Variants in RPS6KC1 observed in about 807,000 individuals in gnomAD.
RPS6KC1 encodes the protein inactive ribosomal protein S6 kinase delta-1.
RPS6KC1 carries 54 observed loss-of-function variants against 103.8 expected under a neutral mutation model. The observed-to-expected ratio is 0.52, with a 90% CI of 0.42 to 0.65. The LOEUF is 0.65. Among genes scored for constraint, RPS6KC1 ranks in the 30% least tolerant of loss-of-function variants. RPS6KC1 has a pLI of 0.00. For missense variants in RPS6KC1, 1,151 were observed against 1,253.8 expected, an observed-to-expected ratio of 0.92 and a Z score of 1.24; for synonymous variants, 439 against 438.7, an observed-to-expected ratio of 1.00 and a Z score of -0.01.
chr1:213,807,389 C>G, the RPS6KC1 span, among the ~76,000 whole-genome samples: 2 of 152,192 alleles, frequency 1.3e-5, no homozygotes, highest in African/African-American at 4.8e-5. Context: ...CAACTTGGTT[C>G]CATTCTCCCC....
the RPS6KC1 span, among the ~76,000 whole-genome samples, chr1:213,843,933 G>C: frequency 6.6e-6 from 1 of 151,534 alleles, no homozygotes; most frequent in Non-Finnish European, 1.5e-5. Flanking sequence ...ATGTCAGAAA[G>C]AGAGCAGAGT....
At chr1:213,166,277 A>C (rs1192635512) in intron 6 of RPS6KC1, among the ~76,000 whole-genome samples, 1 of 152,214 alleles carries the variant, frequency 6.6e-6, no homozygotes, top group Non-Finnish European at 1.5e-5. Flanking sequence ...AAGGCATTAT[A>C]TAATCTGAAA....
the RPS6KC1 span, among the ~76,000 whole-genome samples, chr1:213,790,134 C>G: frequency 6.6e-6 from 1 of 152,108 alleles, no homozygotes; most frequent in Non-Finnish European, 1.5e-5. Context: ...CCAAAGTCAC[C>G]ACAGATTCTT....
At chr1:213,347,139 C>T in the RPS6KC1 span, among the ~76,000 whole-genome samples, 1 of 152,114 alleles carries the variant, frequency 6.6e-6, no homozygotes, top group Non-Finnish European at 1.5e-5. Context: ...TCCTCCAAGA[C>T]CTTTCCAGAA....
In RPS6KC1 at chr1:213,102,522, C is replaced by T. The variant is rs1422878366; in HGVS notation, c.263-1932C>T. 5.3e-5 allele frequency among the ~76,000 whole-genome samples: 8 copies of T among 152,262 alleles called. No individual in the cohort carries two copies. In the East Asian group the frequency reaches 1.2e-3, roughly 22 times the overall value. The stretch of plus-strand genomic sequence containing the variant: ...AGCTACAGTATAATTTGTTTATATG[C>T]TATTTGCCAGAACTTAGTTTATATC... On this transcript the variant is annotated intron_variant, in intron 3 of 14. Coordinates refer to ENST00000366960, the MANE Select transcript of RPS6KC1 (RefSeq NM_012424.6).
the RPS6KC1 span, among the ~76,000 whole-genome samples, chr1:213,414,827 G>A: frequency 6.6e-6 from 1 of 150,582 alleles, no homozygotes; most frequent in Non-Finnish European, 1.5e-5. Context: ...CAGGGTGGGG[G>A]CAGAGGTGGT....
chr1:213,519,326 G>A, the RPS6KC1 span, among the ~76,000 whole-genome samples: 1 of 152,078 alleles, frequency 6.6e-6, no homozygotes, highest in Non-Finnish European at 1.5e-5. Context: ...GATTGAGGAT[G>A]GGCTCTCCCA....
In RPS6KC1 at chr1:213,057,752, C is replaced by CTTTT. The variant is rs869259657; in HGVS notation, c.105+6264_105+6267dup. On this transcript the variant is annotated intron_variant, in intron 1 of 14. Coordinates refer to ENST00000366960, the MANE Select transcript of RPS6KC1 (RefSeq NM_012424.6). ...CATATCTTTTAATTCTCTGAAGTATCTTTTTTTTTTTTTTTTTTTTTTTTC... is the reference window on the plus strand; with the variant it reads ...CATATCTTTTAATTCTCTGAAGTATCTTTTTTTTTTTTTTTTTTTTTTTTTTTTC... Among the ~76,000 whole-genome samples the CTTTT allele has an allele frequency of 5.8e-4, 43 of 73,694 alleles. 1 individual carries two copies. The highest frequency in any genetic ancestry group is 8.3e-4 in the Admixed American group (4 of 4,804). The allele number at this position is 73,694 out of a possible 152,430, so 48.3% of individuals were successfully genotyped here.
intron 8 of RPS6KC1, among the ~76,000 whole-genome samples, chr1:213,212,143 G>T (rs1362063934): frequency 6.6e-6 from 1 of 152,058 alleles, no homozygotes; most frequent in Non-Finnish European, 1.5e-5. Context: ...CATTCTGTGG[G>T]TTTGGACAAA....
intron 8 of RPS6KC1, among the ~76,000 whole-genome samples, chr1:213,225,999 G>A (rs1238417977): frequency 2.6e-5 from 4 of 151,854 alleles, no homozygotes; most frequent in African/African-American, 9.7e-5. Context: ...CGAGGCGGGC[G>A]GATCACGAGG....
the RPS6KC1 span, among the ~76,000 whole-genome samples, chr1:213,397,951 T>G: frequency 6.6e-6 from 1 of 152,196 alleles, no homozygotes; most frequent in Non-Finnish European, 1.5e-5. Flanking sequence ...TGGGCAGTGC[T>G]AGGCTGAAGG....
chr1:213,380,238 G>A, the RPS6KC1 span, among the ~76,000 whole-genome samples: 3 of 152,228 alleles, frequency 2.0e-5, no homozygotes, highest in African/African-American at 7.2e-5. Flanking sequence ...AAAACCAAAC[G>A]CTGTATGTTC....
chr1:213,617,464 C>T, the RPS6KC1 span, among the ~76,000 whole-genome samples: 3 of 152,144 alleles, frequency 2.0e-5, no homozygotes, highest in African/African-American at 7.2e-5. Context: ...TACTGAGGGC[C>T]TTCTCCAGCT....
intron 1 of RPS6KC1, among the ~76,000 whole-genome samples, chr1:213,055,527 C>T (rs2077266563): frequency 6.6e-6 from 1 of 152,108 alleles, no homozygotes; most frequent in East Asian, 1.9e-4. Context: ...CTATTATGAA[C>T]ATTCATATAC....
the RPS6KC1 span, among the ~76,000 whole-genome samples, chr1:213,360,377 G>A: frequency 1.5e-4 from 23 of 152,236 alleles, no homozygotes; most frequent in African/African-American, 3.6e-4. Context: ...CATTTGTCAC[G>A]TAGTTCTCAT....
chr1:213,443,311 G>A, the RPS6KC1 span, among the ~76,000 whole-genome samples: 1 of 152,032 alleles, frequency 6.6e-6, no homozygotes, highest in Non-Finnish European at 1.5e-5. Context: ...AATATTGTTG[G>A]GACAAGACAC....
intron 8 of RPS6KC1, among the ~76,000 whole-genome samples, chr1:213,195,821 G>GGT (rs60968477): frequency 0.057 from 8,470 of 149,586 alleles, 566 homozygotes; most frequent in African/African-American, 0.17. Flanking sequence ...AGTATTCCAT[G>GGT]GTGTGTGTGT....
the RPS6KC1 span, among the ~76,000 whole-genome samples, chr1:213,718,165 C>G: frequency 3.3e-5 from 5 of 152,338 alleles, no homozygotes; most frequent in African/African-American, 1.2e-4. Context: ...ACCTATTTCT[C>G]TATTTAACAC....
At chr1:213,257,786 C>CTTTTTT (rs71147062) in intron 12 of RPS6KC1, among the ~76,000 whole-genome samples, 12 of 49,424 alleles carry the variant, frequency 2.4e-4, no homozygotes, top group Admixed American at 1.1e-3. Context: ...ACAGGTAAAA[C>CTTTTTT]TTTTTTTTTT....
Sources: allele counts gnomAD v4.1 joint callset (sites outside exome capture counted in the v4.1 genomes callset), GRCh38; gene constraint gnomAD v4.1.1; transcripts MANE v1.5; gene names NCBI Gene and HGNC (gene_info 2026-07-23, HGNC 2026-07-21).